The following SATB2 variants were observed in gnomAD, a reference collection of about 807,000 sequenced individuals.
The protein encoded by SATB2 is SATB homeobox 2.
SATB2 carries 1 observed loss-of-function variant against 73.4 expected under a neutral mutation model. That is an observed-to-expected ratio of 0.01 (90% CI 0.00 to 0.06). SATB2 has a LOEUF of 0.06. SATB2 is among the 10% of genes least tolerant of loss of function. The pLI, the probability that SATB2 is intolerant of heterozygous loss-of-function variation, is 1.00. For missense variants in SATB2, 459 were observed against 945.8 expected, an observed-to-expected ratio of 0.49 and a Z score of 6.75; for synonymous variants, 397 against 367.0, an observed-to-expected ratio of 1.08 and a Z score of -0.93.
At chr2:199,399,620 T>C (rs1489608766) in intron 3 of SATB2, among the ~76,000 whole-genome samples, 1 of 152,232 alleles carries the variant, frequency 6.6e-6, no homozygotes, top group Non-Finnish European at 1.5e-5. Flanking sequence ...AAGAAGCATG[T>C]TGCTGGCATC....
intron 10 of SATB2, among the ~76,000 whole-genome samples, chr2:199,284,601 T>A (rs1406827276): frequency 6.6e-6 from 1 of 152,220 alleles, no homozygotes; most frequent in Non-Finnish European, 1.5e-5. Flanking sequence ...TTGTCTTTCA[T>A]TAAGTCAGAC....
chr2:199,439,465 T>C (rs1018326149), intron 2 of SATB2, among the ~76,000 whole-genome samples: 1 of 152,212 alleles, frequency 6.6e-6, no homozygotes, highest in Non-Finnish European at 1.5e-5. Context: ...TTATAAAGAC[T>C]GTAGGGCAAA....
At position 199,368,594 on chromosome 2, in the gene SATB2, A is replaced by G; in HGVS notation, c.700+11T>C. The G allele has an allele frequency of 6.6e-7, 1 of 1,525,372 alleles. No homozygotes were observed. Among genetic ancestry groups the G allele is most frequent in the Non-Finnish European group, 9.1e-7 (1 of 1,099,722 alleles). 94.5% of individuals were successfully genotyped at this position (1,525,372 alleles called of 1,614,324 possible). A position where few individuals can be genotyped will look rare whatever the true frequency, so the allele number is the denominator to read the frequency against. On this transcript the variant is annotated intron_variant, in intron 6 of 10. Coordinates refer to ENST00000417098, the MANE Select transcript of SATB2 (RefSeq NM_001172509.2). ...TGAAAACAGGCTTTACAAACAAAAA[A>G]GTCAGTTTACCTTTAATCTTCTTGT...
At chr2:199,375,960 A>C (rs1248702466) in intron 5 of SATB2, among the ~76,000 whole-genome samples, 1 of 152,220 alleles carries the variant, frequency 6.6e-6, no homozygotes, top group African/African-American at 2.4e-5. Flanking sequence ...TACTTTATAC[A>C]GGCTGAACTA....
chr2:199,462,500 T>A (rs1692498203), upstream of SATB2, among the ~76,000 whole-genome samples: 1 of 152,184 alleles, frequency 6.6e-6, no homozygotes, highest in Admixed American at 6.5e-5. The surrounding 1 kb of genome is among the most constrained non-coding windows in gnomAD (Gnocchi z 5.9). Context: ...TTCAGCCCTT[T>A]CCCAGAGTGC....
At chr2:199,294,615 G>A (rs1036935630) in intron 10 of SATB2, among the ~76,000 whole-genome samples, 3 of 151,988 alleles carry the variant, frequency 2.0e-5, no homozygotes, top group African/African-American at 7.2e-5. Flanking sequence ...ACACCACATG[G>A]AAATATTTGA....
intron 6 of SATB2, among the ~76,000 whole-genome samples, chr2:199,365,093 A>G (rs1689243854): frequency 6.6e-6 from 1 of 152,158 alleles, no homozygotes; most frequent in Non-Finnish European, 1.5e-5. Context: ...GACCTTAAAA[A>G]TAATTTTGGA....
At chr2:199,377,961 G>C (rs958827944) in intron 5 of SATB2, among the ~76,000 whole-genome samples, 3 of 151,924 alleles carry the variant, frequency 2.0e-5, no homozygotes, top group African/African-American at 7.3e-5. Flanking sequence ...AGGTTTTTAT[G>C]ATAGGGTTAA....
chr2:199,374,985 C>A (rs1405067879), intron 5 of SATB2, among the ~76,000 whole-genome samples: 3 of 151,528 alleles, frequency 2.0e-5, no homozygotes, highest in African/African-American at 4.8e-5. Flanking sequence ...AAAAAAAAAC[C>A]CCACAGTTTT....
intron 10 of SATB2, among the ~76,000 whole-genome samples, chr2:199,280,160 C>T (rs558024019): frequency 4.6e-4 from 70 of 152,164 alleles, no homozygotes; most frequent in Non-Finnish European, 8.1e-4. Flanking sequence ...TAATTTCTTA[C>T]GCCGATCTTT....
At chr2:199,356,319 T>A (rs546917426) in intron 6 of SATB2, among the ~76,000 whole-genome samples, 1 of 134,292 alleles carries the variant, frequency 7.4e-6, no homozygotes, top group African/African-American at 2.6e-5. Flanking sequence ...TGGAAGTGAT[T>A]CTACAAATGT....
rs192674983 is a variant in SATB2, at chr2:199,410,861, G to T, written c.346+22477C>A. 5.5e-3 allele frequency among the ~76,000 whole-genome samples: 836 copies of T among 152,140 alleles called. 6 individuals are homozygous for T. Among genetic ancestry groups the T allele is most frequent in the Middle Eastern group, 0.031 (9 of 294 alleles). On this transcript the variant is annotated intron_variant, in intron 3 of 10. Transcript: ENST00000417098. ...AAGTAGATCAAAACATACATTTATG[G>T]TCTGGTAAGACATTTACATTCACCT...
rs528451341 is a variant in SATB2, at chr2:199,402,384, CA to C, written c.347-20565del. Among the ~76,000 whole-genome samples, 32 of 150,562 alleles carry C rather than the reference CA, an allele frequency of 2.1e-4. No individual in the cohort carries two copies. The South Asian group carries it at 6.5e-3, about 31-fold the overall frequency. On this transcript the variant is annotated intron_variant, in intron 3 of 10. Coordinates refer to ENST00000417098, the MANE Select transcript of SATB2 (RefSeq NM_001172509.2). ...TGGGTGACAGAGCGAGACTCCATCT[CA>C]AAAAAAAAGATTTGATACATTATCT...
chr2:199,297,384 A>G (rs1157873534), intron 10 of SATB2, among the ~76,000 whole-genome samples: 3 of 152,224 alleles, frequency 2.0e-5, no homozygotes, highest in African/African-American at 7.2e-5. Flanking sequence ...GGAGGGAAAG[A>G]GGTAGAATTC....
chr2:199,419,747 G>C (rs1691109025), intron 3 of SATB2, among the ~76,000 whole-genome samples: 1 of 152,094 alleles, frequency 6.6e-6, no homozygotes. Flanking sequence ...AGGTATTTCA[G>C]AAAACATAAT....
chr2:199,429,399 T>G (rs764421756), intron 3 of SATB2, among the ~76,000 whole-genome samples: 9 of 152,228 alleles, frequency 5.9e-5, no homozygotes, highest in Admixed American at 1.3e-4. Flanking sequence ...TCACTGAGAA[T>G]GTACTTGGCA....
At chr2:199,414,365 C>A (rs942007359) in intron 3 of SATB2, among the ~76,000 whole-genome samples, 3 of 152,146 alleles carry the variant, frequency 2.0e-5, no homozygotes, top group African/African-American at 7.2e-5. Context: ...GGCAAGGGCA[C>A]CTTCAGGTCA....
rs1692550569 is a variant in SATB2 at position 199,464,432 on chromosome 2, C to T, written c.-141+404G>A. Among the ~76,000 whole-genome samples, 1 of 147,752 alleles carries T rather than the reference C, an allele frequency of 6.8e-6. No homozygotes were observed. Among genetic ancestry groups the T allele is most frequent in the Non-Finnish European group, 1.5e-5 (1 of 67,672 alleles). ...CCACCACCATTTCCACGCGCGCGCG[C>T]GCACACACACACACACACACACAGA... On this transcript the variant is annotated intron_variant, in intron 1 of 11. Transcript: ENST00000260926. This position sits in a 1 kb window ranked among gnomAD's most constrained non-coding sequence, Gnocchi z 6.6.
At chr2:199,347,121 C>T (rs1688677245) in intron 7 of SATB2, 1 of 152,260 alleles carries the variant, frequency 6.6e-6, no homozygotes, top group East Asian at 1.9e-4. Context: ...ATCCGCCCAC[C>T]TTGGCCTCCC....
Sources: gnomAD v4.1 joint callset for allele counts (sites outside exome capture counted in the v4.1 genomes callset) on GRCh38, gnomAD v4.1.1 for gene constraint, Gnocchi (gnomAD v3.1) non-coding constraint, MANE v1.5 for transcripts, NCBI Gene and HGNC (gene_info 2026-07-23, HGNC 2026-07-21) for gene names.